Variants in SPON1 observed in about 807,000 individuals in gnomAD.
The protein encoded by SPON1 is spondin-1.
SPON1 carries 52 observed loss-of-function variants against 111.7 expected under a neutral mutation model. That is an observed-to-expected ratio of 0.47 (90% confidence interval 0.37 to 0.59). The LOEUF is 0.59. Ranked by LOEUF, SPON1 falls within the 20% of genes least tolerant of loss-of-function variation. The pLI, the probability that SPON1 is intolerant of heterozygous loss-of-function variation, is 0.00. For synonymous variants in SPON1, 410 were observed against 395.8 expected, an observed-to-expected ratio of 1.04 and a Z score of -0.43; for missense variants, 957 against 1,068.5, an observed-to-expected ratio of 0.90 and a Z score of 1.46.
rs139157455 is a variant in SPON1, at chr11:13,971,304, G to A, written c.238+8162G>A. Among the ~76,000 whole-genome samples the A allele has an allele frequency of 5.8e-4, 89 of 152,308 alleles. 1 individual carries two copies. Among genetic ancestry groups the A allele is most frequent in the African/African-American group, 2.0e-3 (84 of 41,568 alleles). On this transcript the variant is annotated intron_variant, in intron 1 of 15. Transcript: ENST00000576479. ...CTGCTGCTGTGGCATGAAAAGCAGA[G>A]CAACAGCAGGCAAAAGGGCAGAGGC... is the stretch of plus-strand genomic sequence containing the variant.
chr11:14,153,073 T>A (rs138175651), intron 6 of SPON1, among the ~76,000 whole-genome samples: 166 of 152,308 alleles, frequency 1.1e-3, no homozygotes, highest in South Asian at 1.0e-2. Context: ...ATGGCCTGGT[T>A]TAGAACTTTA....
chr11:13,985,793 C>T lies in SPON1; in HGVS notation c.345+2840C>T, dbSNP rs1278798556. On this transcript the variant is annotated intron_variant, in intron 2 of 15. Coordinates refer to ENST00000576479, the MANE Select transcript of SPON1 (RefSeq NM_006108.4). ...TAAGACAGTCCAGCATCTCAAGGGTCCAAACACTGTGCCAGTTTCTTATTT... is the reference window on the plus strand; with the variant it reads ...TAAGACAGTCCAGCATCTCAAGGGTTCAAACACTGTGCCAGTTTCTTATTT... Among the ~76,000 whole-genome samples, 6 of 152,248 alleles carry T rather than the reference C, an allele frequency of 3.9e-5. No homozygotes were observed. In the East Asian group the frequency reaches 1.2e-3, roughly 29 times the overall value.
intron 2 of SPON1, 86 bp downstream of exon 2, chr11:13,983,039 C>A: frequency 1.1e-6 from 1 of 872,778 alleles, no homozygotes; most frequent in Non-Finnish European, 1.8e-6. Context: ...AGGTGGCTTC[C>A]CATGCAGTCC....
intron 6 of SPON1, among the ~76,000 whole-genome samples, chr11:14,219,765 ATGCATTTGACTT>A (rs1848661369): frequency 6.6e-6 from 1 of 152,152 alleles, no homozygotes; most frequent in Admixed American, 6.5e-5. Context: ...TGGGAGGTAA[ATGCATTTGACTT>A]AGATAGCTCC....
chr11:14,257,976 C>T, intron 11 of SPON1, 78 bp downstream of exon 11: 2 of 1,364,770 alleles, frequency 1.5e-6, no homozygotes, highest in Non-Finnish European at 1.9e-6. Flanking sequence ...CAGACAGTGT[C>T]CCTGGTGAGG....
At chr11:14,108,823 G>A (rs532461955) in intron 5 of SPON1, among the ~76,000 whole-genome samples, 17 of 151,480 alleles carry the variant, frequency 1.1e-4, no homozygotes, top group Admixed American at 2.6e-4. Flanking sequence ...TGTGATTTCT[G>A]TTGGCCAAGG....
chr11:14,033,708 C>G (rs377575066), intron 2 of SPON1, among the ~76,000 whole-genome samples: 10 of 152,206 alleles, frequency 6.6e-5, no homozygotes, highest in African/African-American at 2.4e-4. Context: ...TTAAAATGCC[C>G]CTGATATTTG....
rs967944112 is a variant in SPON1 at position 14,093,707 on chromosome 11, C to T, written c.676+13686C>T. Reference sequence around the variant, plus strand: ...TTAAGTCCAATCACATGAAAAACCACCGCTCTAACACTTAACAACTACTTT... The same window carrying T: ...TTAAGTCCAATCACATGAAAAACCATCGCTCTAACACTTAACAACTACTTT... On this transcript the variant is annotated intron_variant, in intron 5 of 15. Coordinates refer to ENST00000576479, the MANE Select transcript of SPON1 (RefSeq NM_006108.4). Among the ~76,000 whole-genome samples the T allele has an allele frequency of 4.6e-5, 7 of 152,298 alleles. No individual in the cohort carries two copies. The South Asian group carries it at 6.2e-4, about 14-fold the overall frequency.
chr11:14,243,676 C>T (rs782250577), intron 7 of SPON1, among the ~76,000 whole-genome samples: 3 of 152,194 alleles, frequency 2.0e-5, no homozygotes, highest in Non-Finnish European at 4.4e-5. Context: ...TCTGTGTTCA[C>T]TCATGCTCTC....
At chr11:14,204,778 G>A (rs1848500096) in intron 6 of SPON1, among the ~76,000 whole-genome samples, 1 of 151,788 alleles carries the variant, frequency 6.6e-6, no homozygotes, top group African/African-American at 2.4e-5. Context: ...TCCGCCTCCC[G>A]GGTTCACGCC....
chr11:14,154,001 T>C (rs1219533844), intron 6 of SPON1, among the ~76,000 whole-genome samples: 1 of 152,210 alleles, frequency 6.6e-6, no homozygotes, highest in Non-Finnish European at 1.5e-5. Flanking sequence ...GCCATACTGA[T>C]GCAAATGATG....
At chr11:14,013,977 AG>A (rs1179259063) in intron 2 of SPON1, among the ~76,000 whole-genome samples, 1 of 152,172 alleles carries the variant, frequency 6.6e-6, no homozygotes, top group Non-Finnish European at 1.5e-5. Flanking sequence ...TTTTAGGGAA[AG>A]GGGAGTATTA....
intron 5 of SPON1, among the ~76,000 whole-genome samples, chr11:14,121,122 A>ATAGGGAC (rs1422356377): frequency 6.6e-6 from 1 of 152,220 alleles, no homozygotes; most frequent in East Asian, 1.9e-4. Flanking sequence ...ACTTAAAACT[A>ATAGGGAC]TAGGGACAGA....
Position 14,256,598 on chromosome 11 carries a change from A to C in SPON1, c.1234-19A>C, listed in dbSNP as rs782375920. 6.3e-7 allele frequency: 1 copy of C among 1,590,842 alleles called. No individual in the cohort carries two copies. Among genetic ancestry groups the C allele is most frequent in the African/African-American group, 1.3e-5 (1 of 74,474 alleles). On this transcript the variant is annotated intron_variant, in intron 9 of 15. Coordinates refer to ENST00000576479, the MANE Select transcript of SPON1 (RefSeq NM_006108.4). ...TTCTTTCTCTCATGTGAGCCCTCCAAGTAAAATTCCTTTTTCAGGGTGAAC... is the reference window on the plus strand; with the variant it reads ...TTCTTTCTCTCATGTGAGCCCTCCACGTAAAATTCCTTTTTCAGGGTGAAC...
At chr11:14,171,667 G>C (rs1212690073) in intron 6 of SPON1, among the ~76,000 whole-genome samples, 1 of 151,998 alleles carries the variant, frequency 6.6e-6, no homozygotes, top group African/African-American at 2.4e-5. Flanking sequence ...CTTTGAATGT[G>C]TCCCAGAGAT....
rs782375920 is a variant in SPON1, at chr11:14,256,598, A to G, written c.1234-19A>G. Reference sequence around the variant, plus strand: ...TTCTTTCTCTCATGTGAGCCCTCCAAGTAAAATTCCTTTTTCAGGGTGAAC... The same window carrying G: ...TTCTTTCTCTCATGTGAGCCCTCCAGGTAAAATTCCTTTTTCAGGGTGAAC... On this transcript the variant is annotated intron_variant, in intron 9 of 15. Transcript: ENST00000576479. 1.9e-6 allele frequency: 3 copies of G among 1,590,960 alleles called. No individual in the cohort carries two copies. The highest frequency in any genetic ancestry group is 1.7e-6 in the Non-Finnish European group (2 of 1,160,414).
intron 6 of SPON1, among the ~76,000 whole-genome samples, chr11:14,207,581 A>T (rs143944393): frequency 7.2e-4 from 110 of 152,368 alleles, no homozygotes; most frequent in Non-Finnish European, 1.0e-3. Flanking sequence ...TCAAAAGAAG[A>T]CATATGCGAC....
intron 3 of SPON1, among the ~76,000 whole-genome samples, chr11:14,063,593 C>T (rs1475796284): frequency 6.6e-6 from 1 of 152,164 alleles, no homozygotes; most frequent in Non-Finnish European, 1.5e-5. Context: ...CTGTGGCTTA[C>T]GTCTGATGAG....
At chr11:14,001,133 G>C (rs1848314544) in intron 2 of SPON1, among the ~76,000 whole-genome samples, 1 of 152,162 alleles carries the variant, frequency 6.6e-6, no homozygotes, top group African/African-American at 2.4e-5. Flanking sequence ...AAGAAATGGA[G>C]AGACAAGTGA....
Sources: allele counts gnomAD v4.1 joint callset (sites outside exome capture counted in the v4.1 genomes callset), GRCh38; gene constraint gnomAD v4.1.1; transcripts MANE v1.5; gene names NCBI Gene and HGNC (gene_info 2026-07-23, HGNC 2026-07-21).